Variants in MS4A13 observed in about 807,000 individuals in gnomAD.
The protein encoded by MS4A13 is membrane spanning 4-domains A13, also known as membrane-spanning 4-domains subfamily A member 13.
In MS4A13, 21 loss-of-function variants were observed where a neutral mutation model predicts 18.4. That is an observed-to-expected ratio of 1.14 (90% confidence interval 0.81 to 1.64). The LOEUF is 1.64. Ranked by LOEUF, MS4A13 falls within the 40% of genes most tolerant of loss-of-function variation. MS4A13 has a pLI of 0.00. For missense variants in MS4A13, 173 were observed against 176.8 expected, an observed-to-expected ratio of 0.98 and a Z score of 0.12; for synonymous variants, 62 against 57.2, an observed-to-expected ratio of 1.08 and a Z score of -0.38.
intron 6 of MS4A13, among the ~76,000 whole-genome samples, chr11:60,535,536 T>C (rs1487388334): frequency 1.2e-4 from 14 of 120,974 alleles, no homozygotes; most frequent in Non-Finnish European, 2.2e-4. Flanking sequence ...TAATCAATAG[T>C]TTACCAACCA....
chr11:60,535,464 A>C (rs1483634353), intron 6 of MS4A13, among the ~76,000 whole-genome samples: 3 of 137,812 alleles, frequency 2.2e-5, no homozygotes, highest in Non-Finnish European at 4.6e-5. Flanking sequence ...CTCTGCCAAG[A>C]CTAAACCAGG....
chr11:60,522,444 A>G (rs2086683943), intron 3 of MS4A13, among the ~76,000 whole-genome samples: 1 of 152,076 alleles, frequency 6.6e-6, no homozygotes, highest in Admixed American at 6.6e-5. Context: ...ATGTGATTCA[A>G]AGGTGGAGGA....
At chr11:60,538,916 CA>C (rs1453573333) in intron 6 of MS4A13, among the ~76,000 whole-genome samples, 1 of 130,022 alleles carries the variant, frequency 7.7e-6, no homozygotes, top group East Asian at 2.1e-4. Flanking sequence ...GGGCCACATG[CA>C]AGGACCAGAA....
chr11:60,518,437 A>G (rs1001438489), intron 3 of MS4A13, among the ~76,000 whole-genome samples: 2 of 152,212 alleles, frequency 1.3e-5, no homozygotes, highest in South Asian at 2.1e-4. Flanking sequence ...GGAGTACACA[A>G]TGACAACCAT....
chr11:60,518,078 C>T lies in MS4A13; in HGVS notation c.-6C>T. ...CATAATTCTCTTCTCACAGACTATC[C>T]AGATTATGATTGGCATCTTTCACAT... On this transcript the variant is annotated 5_prime_UTR_variant, in exon 3 of 7. Coordinates refer to ENST00000378186, the MANE Select transcript of MS4A13 (RefSeq NM_001012417.3). 6.3e-7 allele frequency: 1 copy of T among 1,589,790 alleles called. No individual in the cohort carries two copies. The highest frequency in any genetic ancestry group is 8.6e-7 in the Non-Finnish European group (1 of 1,163,042).
Position 60,518,150 on chromosome 11 carries a change from G to A in MS4A13, c.67G>A (p.Gly23Arg), listed in dbSNP as rs2086649771. 1 of 1,612,022 alleles carries A rather than the reference G, an allele frequency of 6.2e-7. No homozygotes were observed. The highest frequency in any genetic ancestry group is 1.1e-5 in the South Asian group (1 of 90,906). ...LLVLYMGQIK[G>R]AFGTYEPVTY... Reference sequence around the variant, plus strand: ...GGTTTTGTATATGGGACAAATTAAAGGAGCCTTTGGAACGTATGAACCTGT... The same window carrying A: ...GGTTTTGTATATGGGACAAATTAAAAGAGCCTTTGGAACGTATGAACCTGT... Residue 23 changes from glycine (G) to arginine (R), a missense_variant, in exon 3 of 7, where the codon GGA (glycine) becomes AGA (arginine). Coordinates refer to ENST00000378186, the MANE Select transcript of MS4A13 (RefSeq NM_001012417.3).
At chr11:60,518,293 T>G in intron 3 of MS4A13, 81 bp downstream of exon 3, 2 of 1,187,410 alleles carry the variant, frequency 1.7e-6, no homozygotes, top group Non-Finnish European at 2.3e-6. Flanking sequence ...GAACGGTTTC[T>G]GAACAAGGTT....
intron 4 of MS4A13, among the ~76,000 whole-genome samples, chr11:60,524,231 TAAAAAATTTTAATA>T (rs777396582): frequency 1.6e-4 from 24 of 152,190 alleles, no homozygotes; most frequent in Non-Finnish European, 2.6e-4. Context: ...ACTTTATAAT[TAAAAAATTTTAATA>T]GGACCTAATG....
intron 3 of MS4A13, among the ~76,000 whole-genome samples, chr11:60,519,440 A>G (rs1338727304): frequency 2.6e-5 from 4 of 152,130 alleles, no homozygotes; most frequent in Non-Finnish European, 5.9e-5. Context: ...AAATAGCTCA[A>G]TGAATTAGGA....
At chr11:60,524,821 G>A (rs183612515) in intron 4 of MS4A13, among the ~76,000 whole-genome samples, 16 of 152,026 alleles carry the variant, frequency 1.1e-4, no homozygotes, top group African/African-American at 1.9e-4. Context: ...CACCAAGCCC[G>A]GCTAATTTTT....
intron 6 of MS4A13, among the ~76,000 whole-genome samples, chr11:60,540,527 T>C (rs1448907961): frequency 2.0e-5 from 3 of 152,198 alleles, no homozygotes; most frequent in African/African-American, 7.2e-5. Context: ...TGAATTAGCA[T>C]TCATCTGAAG....
intron 6 of MS4A13, among the ~76,000 whole-genome samples, chr11:60,539,648 T>A (rs1322434666): frequency 6.6e-6 from 1 of 151,510 alleles, no homozygotes; most frequent in Non-Finnish European, 1.5e-5. Flanking sequence ...CACAAAGAGA[T>A]CCTCCTAGAC....
intron 4 of MS4A13, among the ~76,000 whole-genome samples, chr11:60,524,231 TA>T (rs2086697310): frequency 6.6e-6 from 1 of 152,190 alleles, no homozygotes. Context: ...ACTTTATAAT[TA>T]AAAAATTTTA....
chr11:60,516,343 T>A (rs1590868583), intron 2 of MS4A13, among the ~76,000 whole-genome samples: 1 of 152,050 alleles, frequency 6.6e-6, no homozygotes, highest in African/African-American at 2.4e-5. Flanking sequence ...AAAAAGAGAG[T>A]ACTGCACTTA....
At chr11:60,517,976 T>C in intron 2 of MS4A13, 96 bp from the exon 3 acceptor site, 1 of 958,302 alleles carries the variant, frequency 1.0e-6, no homozygotes, top group South Asian at 2.1e-5. Flanking sequence ...TACTTTTGTA[T>C]TTGTAAAGGT....
intron 3 of MS4A13, among the ~76,000 whole-genome samples, chr11:60,522,180 C>T (rs2086678214): frequency 6.8e-6 from 1 of 147,026 alleles, no homozygotes; most frequent in Non-Finnish European, 1.5e-5. Flanking sequence ...AGAGCCAAAC[C>T]ATATCAAAAG....
At position 60,522,216 on chromosome 11, in the gene MS4A13, A is replaced by ATG. The variant is rs1296029998; in HGVS notation, c.130-1680_130-1679insGT. 1.8e-4 allele frequency among the ~76,000 whole-genome samples: 12 copies of ATG among 65,332 alleles called. No homozygotes were observed. In the East Asian group the frequency reaches 3.7e-3, roughly 20 times the overall value. 42.9% of individuals were successfully genotyped at this position (65,332 alleles called of 152,430 possible). ...ATCAGACAGATAGATAGATAGATAG[A>ATG]TAGATAGATAGATAGATAGATAGAT... On this transcript the variant is annotated intron_variant, in intron 3 of 6. Transcript: ENST00000378186.
Position 60,522,453 on chromosome 11 carries a change from G to A in MS4A13, c.130-1444G>A, listed in dbSNP as rs373351883. Among the ~76,000 whole-genome samples the A allele has an allele frequency of 1.3e-4, 20 of 152,074 alleles. No homozygotes were observed. The East Asian group carries it at 3.9e-3, about 29-fold the overall frequency. On this transcript the variant is annotated intron_variant, in intron 3 of 6. Coordinates refer to ENST00000378186, the MANE Select transcript of MS4A13 (RefSeq NM_001012417.3). ...ACTGACATGTGATTCAAAGGTGGAGGAGAAAGAATGGTTGGATAGCAATAA... is the reference window on the plus strand; with the variant it reads ...ACTGACATGTGATTCAAAGGTGGAGAAGAAAGAATGGTTGGATAGCAATAA...
At chr11:60,542,198 G>C (rs566014800) in intron 6 of MS4A13, among the ~76,000 whole-genome samples, 2 of 128,388 alleles carry the variant, frequency 1.6e-5, no homozygotes, top group African/African-American at 5.6e-5. Flanking sequence ...AGGGAAGAAA[G>C]GGAGGAAGGG....
Sources: allele counts gnomAD v4.1 joint callset (sites outside exome capture counted in the v4.1 genomes callset), GRCh38; gene constraint gnomAD v4.1.1; transcripts MANE v1.5; gene names NCBI Gene and HGNC (gene_info 2026-07-23, HGNC 2026-07-21).